HS3ST5: variants seen among roughly 807,000 people sequenced by gnomAD.
The protein encoded by HS3ST5 is heparan sulfate glucosamine 3-O-sulfotransferase 5.
Under a neutral mutation model 25.4 loss-of-function variants are expected in HS3ST5, and 10 were observed. That is an observed-to-expected ratio of 0.39 (90% CI 0.24 to 0.67). The LOEUF is 0.67. Ranked by LOEUF, HS3ST5 falls within the 30% of genes least tolerant of loss-of-function variation. The pLI is 0.44. For synonymous variants in HS3ST5, 170 were observed against 162.4 expected, an observed-to-expected ratio of 1.05 and a Z score of -0.36; for missense variants, 324 against 420.7, an observed-to-expected ratio of 0.77 and a Z score of 2.01.
intron 3 of HS3ST5, among the ~76,000 whole-genome samples, chr6:114,164,718 A>G (rs1167069546): frequency 6.6e-6 from 1 of 152,200 alleles, no homozygotes; most frequent in Non-Finnish European, 1.5e-5. Context: ...TAAACAAAAG[A>G]ATAGAAAGAA....
intron 3 of HS3ST5, among the ~76,000 whole-genome samples, chr6:114,079,321 T>C (rs1037935294): frequency 1.3e-5 from 2 of 152,256 alleles, no homozygotes; most frequent in Non-Finnish European, 2.9e-5. Context: ...GTCTCTACTT[T>C]ATCAATGAAG....
At chr6:114,337,004 C>A (rs1776637163) in intron 1 of HS3ST5, among the ~76,000 whole-genome samples, 1 of 152,094 alleles carries the variant, frequency 6.6e-6, no homozygotes, top group South Asian at 2.1e-4. Flanking sequence ...ATAAAAAGTA[C>A]AATTACAGGC....
intron 3 of HS3ST5, among the ~76,000 whole-genome samples, chr6:114,115,753 AG>A (rs1776493005): frequency 6.6e-6 from 1 of 152,060 alleles, no homozygotes; most frequent in African/African-American, 2.4e-5. Context: ...GCATCCAAGC[AG>A]GCTTCTATGA....
At chr6:114,213,388 C>T (rs1339591436) in intron 2 of HS3ST5, among the ~76,000 whole-genome samples, 1 of 151,542 alleles carries the variant, frequency 6.6e-6, no homozygotes, top group Non-Finnish European at 1.5e-5. Flanking sequence ...TTGGAAAGGG[C>T]AACATTGGGC....
intron 1 of HS3ST5, among the ~76,000 whole-genome samples, chr6:114,336,607 A>C (rs1474621161): frequency 6.6e-6 from 1 of 151,860 alleles, no homozygotes; most frequent in Non-Finnish European, 1.5e-5. Flanking sequence ...AGTCCAACTC[A>C]AATAATAATA....
In HS3ST5 at chr6:114,057,538, C is replaced by A. The variant is rs750723182; in HGVS notation, c.760G>T (p.Asp254Tyr). 3 of 1,614,036 alleles carry A rather than the reference C, an allele frequency of 1.9e-6. No individual in the cohort carries two copies. The South Asian group carries it at 3.3e-5, about 18-fold the overall frequency. Residue 254 changes from aspartate (D) to tyrosine (Y), a missense_variant, in exon 5 of 5, where the codon GAT (aspartate) becomes TAT (tyrosine). Coordinates refer to ENST00000312719, the MANE Select transcript of HS3ST5 (RefSeq NM_153612.4). ...YFPIEQFHVV[D>Y]GDRLITEPLP... ...GGTTCCGTGATGAGGCGATCTCCAT[C>A]GACGACATGAAATTGCTCAATTGGA...
intron 1 of HS3ST5, among the ~76,000 whole-genome samples, chr6:114,243,053 A>C (rs895334387): frequency 1.3e-5 from 2 of 152,164 alleles, no homozygotes; most frequent in Non-Finnish European, 2.9e-5. Context: ...GGCTTATCCA[A>C]GGAGGAGGAT....
chr6:114,138,895 A>G (rs947617950), intron 3 of HS3ST5, among the ~76,000 whole-genome samples: 5 of 152,144 alleles, frequency 3.3e-5, no homozygotes, highest in African/African-American at 1.2e-4. Flanking sequence ...CACAGAAGGC[A>G]TCTTCTTGCT....
chr6:114,167,924 A>G (rs1779292659), intron 3 of HS3ST5, among the ~76,000 whole-genome samples: 1 of 152,098 alleles, frequency 6.6e-6, no homozygotes, highest in Non-Finnish European at 1.5e-5. Context: ...GAGTAAACAG[A>G]CCTAAAACTA....
intron 3 of HS3ST5, among the ~76,000 whole-genome samples, chr6:114,076,611 T>C (rs927594032): frequency 5.9e-5 from 9 of 152,214 alleles, no homozygotes; most frequent in African/African-American, 2.2e-4. Context: ...ATTTGCTCTG[T>C]TGTCAGGGAG....
intron 3 of HS3ST5, among the ~76,000 whole-genome samples, chr6:114,137,712 C>T (rs1425674764): frequency 1.3e-5 from 2 of 152,154 alleles, no homozygotes; most frequent in Admixed American, 6.5e-5. Flanking sequence ...CAAGTCACTG[C>T]TCCTCCACTG....
chr6:114,084,338 C>T, intron 3 of HS3ST5: 1 of 760,142 alleles, frequency 1.3e-6, no homozygotes, highest in Non-Finnish European at 2.4e-6. Flanking sequence ...GGCTGAGTAG[C>T]AGTGAACTCA....
At chr6:114,146,952 T>C (rs1194472784) in intron 3 of HS3ST5, among the ~76,000 whole-genome samples, 1 of 152,228 alleles carries the variant, frequency 6.6e-6, no homozygotes, top group Non-Finnish European at 1.5e-5. Flanking sequence ...TATTTCTTTA[T>C]GGCATGCAAG....
At chr6:114,203,483 A>T (rs1054278313) in intron 2 of HS3ST5, among the ~76,000 whole-genome samples, 2 of 152,208 alleles carry the variant, frequency 1.3e-5, no homozygotes, top group African/African-American at 4.8e-5. Flanking sequence ...GGAGGTCACA[A>T]GATTTGTAAC....
intron 3 of HS3ST5, among the ~76,000 whole-genome samples, chr6:114,161,125 G>C (rs937763169): frequency 6.6e-6 from 1 of 151,930 alleles, no homozygotes; most frequent in African/African-American, 2.4e-5. Flanking sequence ...TTCCTAGATG[G>C]TGTTTGCCAT....
chr6:114,285,403 C>T (rs1006540632), intron 1 of HS3ST5, among the ~76,000 whole-genome samples: 8 of 151,818 alleles, frequency 5.3e-5, no homozygotes, highest in Non-Finnish European at 1.2e-4. Context: ...ACAAGTTTAC[C>T]TATATAACAA....
chr6:114,286,754 C>A (rs11153476), intron 1 of HS3ST5, among the ~76,000 whole-genome samples: 1 of 151,340 alleles, frequency 6.6e-6, no homozygotes, highest in African/African-American at 2.4e-5. Context: ...TACATTAGAA[C>A]GAAATAAGTA....
rs150532103 is a variant in HS3ST5 at position 114,306,611 on chromosome 6, A to G, written c.-339+35584T>C. Among the ~76,000 whole-genome samples, 139 of 152,196 alleles carry G rather than the reference A, an allele frequency of 9.1e-4. 5 individuals are homozygous for G. In the East Asian group the frequency reaches 0.024, roughly 26 times the overall value. On this transcript the variant is annotated intron_variant, in intron 1 of 4. Coordinates refer to ENST00000312719, the MANE Select transcript of HS3ST5 (RefSeq NM_153612.4). ...CAATTCTAGACTAAAAACATTCTCAATATTCTACAGGTTAAATAAAAAAGA... is the reference window on the plus strand; with the variant it reads ...CAATTCTAGACTAAAAACATTCTCAGTATTCTACAGGTTAAATAAAAAAGA...
At chr6:114,108,681 T>A (rs1776111786) in intron 3 of HS3ST5, among the ~76,000 whole-genome samples, 1 of 152,002 alleles carries the variant, frequency 6.6e-6, no homozygotes, top group Non-Finnish European at 1.5e-5. Flanking sequence ...AGCTGAGAAG[T>A]AATAAAACAT....
Sources: allele counts gnomAD v4.1 joint callset (sites outside exome capture counted in the v4.1 genomes callset), GRCh38; gene constraint gnomAD v4.1.1; transcripts MANE v1.5; gene names NCBI Gene and HGNC (gene_info 2026-07-23, HGNC 2026-07-21).